Variants in SYNE2 observed in about 807,000 individuals in gnomAD.
SYNE2 encodes spectrin repeat containing nuclear envelope protein 2, also known as nesprin-2.
In SYNE2, 431 loss-of-function variants were observed where a neutral mutation model predicts 856.3. That is an observed-to-expected ratio of 0.50 (90% CI 0.47 to 0.55). The LOEUF (loss-of-function observed/expected upper bound fraction) is 0.55. Among genes scored for constraint, SYNE2 ranks in the 20% least tolerant of loss-of-function variants. The pLI is 0.00. For synonymous variants in SYNE2, 2,923 were observed against 2,872.3 expected, an observed-to-expected ratio of 1.02 and a Z score of -0.56; for missense variants, 8,129 against 8,023.2, an observed-to-expected ratio of 1.01 and a Z score of -0.50.
chr14:63,965,959 G>A lies in SYNE2; in HGVS notation c.991-1750G>A, dbSNP rs1016044231. Among the ~76,000 whole-genome samples, 6 of 152,214 alleles carry A rather than the reference G, an allele frequency of 3.9e-5. No individual in the cohort carries two copies. In the South Asian group the frequency reaches 1.2e-3, roughly 32 times the overall value. On this transcript the variant is annotated intron_variant, in intron 10 of 115. Coordinates refer to ENST00000555002, the MANE Select transcript of SYNE2 (RefSeq NM_182914.3). ...ATCACAGATTTGGGTTTCCTAAATA[G>A]GAAGAAGGCTTTATGAAGTCATTAA... is the stretch of plus-strand genomic sequence containing the variant.
Position 64,146,173 on chromosome 14 carries a change from C to A in SYNE2, c.15589C>A (p.Gln5197Lys). 1 of 1,612,758 alleles carries A rather than the reference C, an allele frequency of 6.2e-7. No individual in the cohort carries two copies. The highest frequency in any genetic ancestry group is 8.5e-7 in the Non-Finnish European group (1 of 1,179,560). ...EAQEERLKTL[Q>K]KPESVISVQK... Reference sequence around the variant, plus strand: ...ACAAGAAGAGAGACTGAAAACTTTACAAAAACCTGAAAGTGTGATCTCAGT... The same window carrying A: ...ACAAGAAGAGAGACTGAAAACTTTAAAAAAACCTGAAAGTGTGATCTCAGT... The change falls in exon 84 of 116, where the codon CAA becomes AAA. Residue 5197 changes from glutamine (Q) to lysine (K), a missense_variant. Gln to Lys is a moderately conservative substitution (Grantham distance 53). Around this residue, in one of 3 missense-constraint regions of SYNE2, gnomAD observed 5,410 missense variants for 5,284.8 expected, o/e 1.02. Coordinates refer to ENST00000555002, the MANE Select transcript of SYNE2 (RefSeq NM_182914.3).
chr14:63,898,228 A>G (rs1474856446), intron 1 of SYNE2, among the ~76,000 whole-genome samples: 1 of 151,786 alleles, frequency 6.6e-6, no homozygotes, highest in African/African-American at 2.4e-5. Flanking sequence ...TTGCACCCCA[A>G]ACCTCCCTCT....
intron 79 of SYNE2, among the ~76,000 whole-genome samples, chr14:64,139,201 T>C (rs554686001): frequency 2.0e-5 from 3 of 151,580 alleles, no homozygotes; most frequent in East Asian, 3.9e-4. Context: ...CAGGCTGGTC[T>C]CAAATTCCTG....
intron 6 of SYNE2, among the ~76,000 whole-genome samples, chr14:63,948,166 TACACACACACACACACACAC>T (rs59063086): frequency 6.8e-6 from 1 of 147,252 alleles, no homozygotes; most frequent in Non-Finnish European, 1.5e-5. Flanking sequence ...GACACACACA[TACACACACACACACACACAC>T]ACACACACAC....
At chr14:63,884,684 G>A (rs77990301) in intron 1 of SYNE2, among the ~76,000 whole-genome samples, 4,930 of 152,146 alleles carry the variant, frequency 0.032, 280 homozygotes, top group African/African-American at 0.11. Context: ...GGAGAGCTTC[G>A]ATTCTTTGGC....
intron 100 of SYNE2, among the ~76,000 whole-genome samples, chr14:64,204,820 T>C (rs990081721): frequency 6.6e-6 from 1 of 152,250 alleles, no homozygotes; most frequent in Non-Finnish European, 1.5e-5. Flanking sequence ...AAATTTACTA[T>C]ATATCTGGAG....
At chr14:64,204,655 C>T (rs1306715724) in intron 100 of SYNE2, among the ~76,000 whole-genome samples, 1 of 151,972 alleles carries the variant, frequency 6.6e-6, no homozygotes, top group Non-Finnish European at 1.5e-5. Context: ...TAGAATTCAG[C>T]ATCACCTTAG....
At chr14:64,027,458 T>G in intron 42 of SYNE2, 26 bp from the exon 43 acceptor site, 2 of 1,479,328 alleles carry the variant, frequency 1.4e-6, no homozygotes, top group Non-Finnish European at 1.9e-6. Context: ...TATCATTTAA[T>G]TTATAAAATA....
intron 84 of SYNE2, among the ~76,000 whole-genome samples, chr14:64,149,763 G>A (rs1481432175): frequency 6.6e-6 from 1 of 152,210 alleles, no homozygotes; most frequent in East Asian, 1.9e-4. Flanking sequence ...ATTAGCAAAA[G>A]ATTATTTTTA....
chr14:63,948,780 G>GTATATATATATA (rs1432911343), intron 6 of SYNE2, among the ~76,000 whole-genome samples: 1 of 81,974 alleles, frequency 1.2e-5, no homozygotes, highest in East Asian at 3.5e-4. Context: ...GTATGTGTGT[G>GTATATATATATA]TGTATATATA....
chr14:64,116,194 A>T (rs1326936740), intron 66 of SYNE2, among the ~76,000 whole-genome samples: 1 of 107,684 alleles, frequency 9.3e-6, no homozygotes, highest in Admixed American at 1.1e-4. Flanking sequence ...AAAGGAAAGA[A>T]GGGAGGGAGG....
intron 99 of SYNE2, among the ~76,000 whole-genome samples, chr14:64,197,804 TTTTG>T (rs767720471): frequency 1.3e-5 from 2 of 152,306 alleles, no homozygotes; most frequent in South Asian, 4.1e-4. Context: ...CCTGACTTGA[TTTTG>T]TTTGTTTGGA....
intron 97 of SYNE2, among the ~76,000 whole-genome samples, chr14:64,187,828 T>A (rs931507400): frequency 1.3e-5 from 2 of 152,232 alleles, no homozygotes; most frequent in African/African-American, 4.8e-5. Context: ...TAGGCTGATT[T>A]GCATTATTTA....
At chr14:63,876,249 C>CA (rs11438519) in intron 1 of SYNE2, among the ~76,000 whole-genome samples, 77,631 of 117,616 alleles carry the variant, frequency 0.66, 24,200 homozygotes, top group South Asian at 0.77. Flanking sequence ...TCTATCTCTA[C>CA]AAAAAAAAAA....
chr14:63,764,910 T>G (rs2139688748), intron 1 of SYNE2, among the ~76,000 whole-genome samples: 1 of 152,290 alleles, frequency 6.6e-6, no homozygotes, highest in Non-Finnish European at 1.5e-5. Context: ...ATTGTGTCAC[T>G]GCATTCCGGA....
At chr14:64,150,812 G>A (rs2098235196) in intron 84 of SYNE2, among the ~76,000 whole-genome samples, 1 of 152,118 alleles carries the variant, frequency 6.6e-6, no homozygotes, top group Non-Finnish European at 1.5e-5. Flanking sequence ...AATAAATAAG[G>A]CTGTCAGGGT....
rs1567360123 is a variant in SYNE2 at position 64,120,884 on chromosome 14, AT to A, written c.13024-38del. ...TTAGAATTGAGATAAAGTGGAGTTTATTTTTAAAAATAAATAGCCTGCCATT... is the reference window on the plus strand; with the variant it reads ...TTAGAATTGAGATAAAGTGGAGTTTATTTTAAAAATAAATAGCCTGCCATT... On this transcript the variant is annotated intron_variant, in intron 67 of 115. Coordinates refer to ENST00000555002, the MANE Select transcript of SYNE2 (RefSeq NM_182914.3). 3 of 1,610,470 alleles carry A rather than the reference AT, an allele frequency of 1.9e-6. No individual in the cohort carries two copies. The East Asian group carries it at 6.7e-5, about 36-fold the overall frequency.
At chr14:64,056,923 G>C (rs1413433256) in intron 49 of SYNE2, among the ~76,000 whole-genome samples, 1 of 152,090 alleles carries the variant, frequency 6.6e-6, no homozygotes, top group Non-Finnish European at 1.5e-5. Context: ...CTATGTGTTT[G>C]TGTGTCCTGT....
At chr14:63,817,530 C>T (rs1007862040) in intron 1 of SYNE2, among the ~76,000 whole-genome samples, 2 of 152,052 alleles carry the variant, frequency 1.3e-5, no homozygotes, top group Admixed American at 1.3e-4. Context: ...TCATTCTCCA[C>T]CCACTTCTTT....
Sources: allele counts gnomAD v4.1 joint callset (sites outside exome capture counted in the v4.1 genomes callset), GRCh38; gene constraint gnomAD v4.1.1; regional missense constraint gnomAD v4.1.1; transcripts MANE v1.5; gene names NCBI Gene and HGNC (gene_info 2026-07-23, HGNC 2026-07-21).